ROBO4: variants seen among roughly 807,000 people sequenced by gnomAD.
ROBO4 encodes roundabout guidance receptor 4.
In ROBO4, 80 loss-of-function variants were observed where a neutral mutation model predicts 103.3. The ratio of observed to expected loss-of-function variants is 0.77; its 90% CI spans 0.65 to 0.93. ROBO4 has a LOEUF of 0.93. Ranked by LOEUF, ROBO4 falls within the 40% of genes least tolerant of loss-of-function variation. ROBO4 has a pLI of 0.00. For missense variants in ROBO4, 1,333 were observed against 1,305.3 expected, an observed-to-expected ratio of 1.02 and a Z score of -0.33; for synonymous variants, 504 against 529.7, an observed-to-expected ratio of 0.95 and a Z score of 0.67.
rs1483580544 is a variant in ROBO4 at position 124,891,413 on chromosome 11, C to T, written c.1834G>A (p.Ala612Thr). ...CTGGAACAGGGGCTGGAGAGCTGGG[C>T]CAGCTGGGGTGGGAGGCGCCTGACA... is the stretch of plus-strand genomic sequence containing the variant. ...PAVRRLPPQL[A>T]QLSSPCSSSD... Residue 612 changes from alanine to threonine, a missense_variant, in exon 12 of 18, where the codon GCC becomes ACC. Ala to Thr is a moderately conservative substitution (Grantham distance 58). Transcript: ENST00000306534. The T allele has an allele frequency of 1.9e-6, 3 of 1,584,514 alleles. No individual in the cohort carries two copies. The highest frequency in any genetic ancestry group is 2.6e-6 in the Non-Finnish European group (3 of 1,164,628).
rs756892713 is a variant in ROBO4 at position 124,893,972 on chromosome 11, G to A, written c.1392C>T (p.Thr464=). 2.5e-6 allele frequency: 4 copies of A among 1,598,046 alleles called. No individual in the cohort carries two copies. Among genetic ancestry groups the A allele is most frequent in the Non-Finnish European group, 2.6e-6 (3 of 1,173,442 alleles). Residue 464 remains threonine, a synonymous_variant, in exon 9 of 18, where the codon ACC becomes ACT. Transcript: ENST00000306534. ...TGGCAATGACCTCAGGCCGCTTCAA[G>A]GTAGCCCTCAGCTGCTCCAGGGTCC... The part of the protein sequence containing the change: ...GPWTLEQLRA[T]LKRPEVIATC...
In ROBO4 at chr11:124,884,750, G is replaced by C; in HGVS notation, c.*141C>G. The C allele has an allele frequency of 1.1e-6, 1 of 934,216 alleles. No individual in the cohort carries two copies. The highest frequency in any genetic ancestry group is 1.7e-6 in the Non-Finnish European group (1 of 579,486). The allele number at this position is 934,216 out of a possible 1,614,324, so 57.9% of individuals were successfully genotyped here. A position where few individuals can be genotyped will look rare whatever the true frequency, so the allele number is the denominator to read the frequency against. The stretch of plus-strand genomic sequence containing the variant: ...TTCATTTGTTTTCACAATCGTGGAG[G>C]GAGAACTCTCTGGAGGCTTGGGAAG... On this transcript the variant is annotated 3_prime_UTR_variant, in exon 18 of 18. Transcript: ENST00000306534.
Position 124,895,461 on chromosome 11 carries a change from T to A in ROBO4, c.1032A>T (p.Glu344Asp). 6.2e-7 allele frequency: 1 copy of A among 1,609,404 alleles called. No homozygotes were observed. Among genetic ancestry groups the A allele is most frequent in the Non-Finnish European group, 8.5e-7 (1 of 1,179,906 alleles). ...CTGAAGGGATCAGGCCCTGACCTTT[T>A]TCCGGCAGCCTCAGGAGCAGCACGT... ...DSNVLLLRLP[E>D]KVPSAPPQEV... is the part of the protein sequence containing the mutation. Residue 344 changes from glutamate to aspartate, a missense_variant, in exon 6 of 18, where the codon GAA becomes GAT. Glu to Asp is a conservative substitution (Grantham distance 45, BLOSUM62 2). Transcript: ENST00000306534.
At position 124,895,671 on chromosome 11, in the gene ROBO4, A is replaced by G. The variant is rs1327403026; in HGVS notation, c.822T>C (p.Ala274=). 5 of 1,612,772 alleles carry G rather than the reference A, an allele frequency of 3.1e-6. No homozygotes were observed. Among genetic ancestry groups the G allele is most frequent in the Non-Finnish European group, 4.2e-6 (5 of 1,178,958 alleles). ...VWLSWKVSGP[A]APAQSYTALF... ...AGGCCGTGTAAGATTGGGCAGGCGC[A>G]GCAGGGCCACTGACCTGGGAAGGAG... Residue 274 remains alanine, a synonymous_variant, in exon 6 of 18, where the codon GCT becomes GCC. Coordinates refer to ENST00000306534, the MANE Select transcript of ROBO4 (RefSeq NM_019055.6).
intron 17 of ROBO4, 31 bp downstream of exon 17, chr11:124,885,010 G>A: frequency 1.2e-6 from 2 of 1,613,726 alleles, no homozygotes; most frequent in South Asian, 2.2e-5. Context: ...TGGTCAAGAT[G>A]AACACATTAG....
In ROBO4 at chr11:124,885,211, A is replaced by C; in HGVS notation, c.2831T>G (p.Phe944Cys). 3 of 1,613,462 alleles carry C rather than the reference A, an allele frequency of 1.9e-6. No individual in the cohort carries two copies. The highest frequency in any genetic ancestry group is 2.5e-6 in the Non-Finnish European group (3 of 1,179,998). ...GGGCAGGGAGAGGTTGGGGGTCAGG[A>C]AGATCTCATCCCGTGGGGAGGGAGG... Reference protein sequence around the residue: ...SSPPSPRDEIFLTPNLSLPLW... With the variant: ...SSPPSPRDEICLTPNLSLPLW... Residue 944 changes from phenylalanine to cysteine, a missense_variant, in exon 17 of 18, where the codon TTC (phenylalanine) becomes TGC (cysteine). Coordinates refer to ENST00000306534, the MANE Select transcript of ROBO4 (RefSeq NM_019055.6).
chr11:124,887,239 A>T (rs767122440), intron 14 of ROBO4, 26 bp from the exon 15 acceptor site: 1 of 1,585,274 alleles, frequency 6.3e-7, no homozygotes, highest in South Asian at 1.2e-5. Flanking sequence ...GAGTGATGGC[A>T]CCGTAGTTAC....
At chr11:124,889,004 C>T (rs1397060022) in intron 12 of ROBO4, among the ~76,000 whole-genome samples, 2 of 152,136 alleles carry the variant, frequency 1.3e-5, no homozygotes, top group African/African-American at 4.8e-5. Flanking sequence ...TAGTCAGTCA[C>T]ATATCAGAGA....
rs74979341 is a variant in ROBO4, at chr11:124,887,403, G to T, written c.2153C>A (p.Pro718His). 1 of 1,613,966 alleles carries T rather than the reference G, an allele frequency of 6.2e-7. No homozygotes were observed. Among genetic ancestry groups the T allele is most frequent in the Non-Finnish European group, 8.5e-7 (1 of 1,179,988 alleles). The stretch of plus-strand genomic sequence containing the variant: ...TGGGGGAGTTTCATGAGGAAAGAGG[G>T]GTGCTGGAGGGAGATGACGAGTAAC... ...ELVTRHLPPA[P>H]LFPHETPPTQ... The change falls in exon 14 of 18, where the codon CCC (proline) becomes CAC (histidine). Residue 718 changes from proline (P) to histidine (H), a missense_variant. By Grantham distance (77) the Pro-to-His change is moderately conservative. Transcript: ENST00000306534.
At chr11:124,889,088 T>G (rs932384698) in intron 12 of ROBO4, among the ~76,000 whole-genome samples, 2 of 152,216 alleles carry the variant, frequency 1.3e-5, no homozygotes, top group Admixed American at 1.3e-4. Context: ...ACCCCATTTA[T>G]GTACTAGTGG....
In ROBO4 at chr11:124,891,809, C is replaced by A; in HGVS notation, c.1548-7G>T. 2 of 1,613,832 alleles carry A rather than the reference C, an allele frequency of 1.2e-6. No individual in the cohort carries two copies. Among genetic ancestry groups the A allele is most frequent in the Non-Finnish European group, 1.7e-6 (2 of 1,179,888 alleles). Reference sequence around the variant, plus strand: ...GGAGTCACTGTGATCCATCCTGGGGCAGTGGAGGGAGGGGGTGAGGCCAGG... The same window carrying A: ...GGAGTCACTGTGATCCATCCTGGGGAAGTGGAGGGAGGGGGTGAGGCCAGG... On this transcript the variant is annotated splice_polypyrimidine_tract_variant and splice_region_variant and intron_variant, in intron 10 of 17. Transcript: ENST00000306534.
chr11:124,894,661 GC>G (rs2135377629), intron 7 of ROBO4, among the ~76,000 whole-genome samples: 1 of 152,292 alleles, frequency 6.6e-6, no homozygotes, highest in East Asian at 1.9e-4. Flanking sequence ...AGTTTGCCAG[GC>G]CCATCTCTGA....
Position 124,891,693 on chromosome 11 carries a change from G to A in ROBO4, c.1657C>T (p.Arg553Trp), listed in dbSNP as rs1485500211. The stretch of plus-strand genomic sequence containing the variant: ...GAGCGACGACAGTCTAGTGGGTCCC[G>A]GGCATCCGCCCCCAGCCGACTGCTG... ...SLSSRLGADA[R>W]DPLDCRRSLL... Residue 553 changes from arginine to tryptophan, a missense_variant, in exon 11 of 18, where the codon CGG becomes TGG. Coordinates refer to ENST00000306534, the MANE Select transcript of ROBO4 (RefSeq NM_019055.6). The A allele has an allele frequency of 8.1e-6, 13 of 1,614,012 alleles. No individual in the cohort carries two copies. Among genetic ancestry groups the A allele is most frequent in the East Asian group, 2.2e-5 (1 of 44,896 alleles).
chr11:124,887,154 A>C lies in ROBO4; in HGVS notation c.2258T>G (p.Ile753Ser). The C allele has an allele frequency of 1.2e-6, 2 of 1,608,418 alleles. No individual in the cohort carries two copies. Among genetic ancestry groups the C allele is most frequent in the South Asian group, 2.2e-5 (2 of 90,494 alleles). The stretch of plus-strand genomic sequence containing the variant: ...GCTAGGGGGACTGCAGGGGCTAAGG[A>C]TGGGGATGGGGGCTGCTGGCAGCAG... ...SILLPAAPIPILSPCSPPSPQ... is the reference protein window; with the variant it reads ...SILLPAAPIPSLSPCSPPSPQ... The change falls in exon 15 of 18, where the codon ATC becomes AGC. Residue 753 changes from isoleucine to serine, a missense_variant. Physicochemically the swap from Ile to Ser is moderately radical, Grantham distance 142 (BLOSUM62 -2). Coordinates refer to ENST00000306534, the MANE Select transcript of ROBO4 (RefSeq NM_019055.6).
rs111309004 is a variant in ROBO4 at position 124,889,496 on chromosome 11, G to A, written c.1949-1656C>T. Among the ~76,000 whole-genome samples the A allele has an allele frequency of 3.8e-3, 580 of 152,226 alleles. 5 individuals are homozygous for A. The highest frequency in any genetic ancestry group is 0.013 in the African/African-American group (550 of 41,528). ...AGTTTCAATTCTAATTGAATAAACT[G>A]GACAAGAAAAATGTTATCAAGGTGA... On this transcript the variant is annotated intron_variant, in intron 12 of 17. Coordinates refer to ENST00000306534, the MANE Select transcript of ROBO4 (RefSeq NM_019055.6).
chr11:124,891,911 G>T, intron 10 of ROBO4, 109 bp from the exon 11 acceptor site: 1 of 1,257,954 alleles, frequency 7.9e-7, no homozygotes, highest in Non-Finnish European at 1.1e-6. Flanking sequence ...AGGAGATGGT[G>T]GCTTTATCCT....
At chr11:124,896,801 C>T in intron 2 of ROBO4, 131 bp from the exon 3 acceptor site, 1 of 1,512,750 alleles carries the variant, frequency 6.6e-7, no homozygotes, top group Non-Finnish European at 8.8e-7. Flanking sequence ...CCAGCTTGCC[C>T]TCCCAAGCCT....
intron 16 of ROBO4, among the ~76,000 whole-genome samples, chr11:124,885,461 C>G (rs138472326): frequency 1.8e-4 from 28 of 152,298 alleles, no homozygotes; most frequent in Non-Finnish European, 3.1e-4. Context: ...CCTTCCAGCC[C>G]AGCTCTGGCC....
At chr11:124,887,567 C>A in intron 13 of ROBO4, 68 bp from the exon 14 acceptor site, 2 of 1,597,808 alleles carry the variant, frequency 1.3e-6, no homozygotes, top group Non-Finnish European at 1.7e-6. Context: ...AGCCTGCCGG[C>A]CTGCCCACCA....
Sources: gnomAD v4.1 joint callset for allele counts (sites outside exome capture counted in the v4.1 genomes callset) on GRCh38, gnomAD v4.1.1 for gene constraint, MANE v1.5 for transcripts, NCBI Gene and HGNC (gene_info 2026-07-23, HGNC 2026-07-21) for gene names.